NTRK1: variants seen among roughly 807,000 people sequenced by gnomAD.
NTRK1 encodes the protein high affinity nerve growth factor receptor.
A neutral mutation model predicts 86.8 loss-of-function variants in NTRK1; 62 were observed. The ratio of observed to expected loss-of-function variants is 0.71; its 90% CI spans 0.58 to 0.88. NTRK1 has a LOEUF of 0.88. Ranked by LOEUF, NTRK1 falls within the 40% of genes least tolerant of loss-of-function variation. The probability of loss-of-function intolerance (pLI) is 0.00; values close to 1 mark genes in which losing one functional copy is unlikely to be tolerated. For missense variants in NTRK1, 967 were observed against 1,078.4 expected (o/e 0.90, Z 1.45); for synonymous variants, 469 against 456.6 (o/e 1.03, Z -0.35).
intron 2 of NTRK1, chr1:156,851,422 G>A (rs370637761): frequency 6.2e-7 from 1 of 1,614,054 alleles, no homozygotes; most frequent in African/African-American, 1.3e-5. Flanking sequence ...CTGCAGCTGT[G>A]GCTCCAGGTT....
intron 13 of NTRK1, 79 bp downstream of exon 13, chr1:156,876,289 G>A (rs1042155451): frequency 6.7e-5 from 108 of 1,610,284 alleles, no homozygotes; most frequent in Non-Finnish European, 8.7e-5. Context: ...AGAGTGGGGG[G>A]AGATGCAGAG....
chr1:156,865,425 G>A (rs926356493), intron 3 of NTRK1, among the ~76,000 whole-genome samples: 29 of 152,152 alleles, frequency 1.9e-4, no homozygotes, highest in East Asian at 1.9e-4. Context: ...CCTCACGTGC[G>A]CAGTAGTTCA....
intron 1 of NTRK1, among the ~76,000 whole-genome samples, chr1:156,832,692 A>G (rs940294509): frequency 2.6e-5 from 4 of 152,162 alleles, no homozygotes; most frequent in African/African-American, 9.7e-5. Context: ...CCTGCCTGCG[A>G]GCTTTGTGCT....
At chr1:156,858,143 C>T (rs1044846106), upstream of NTRK1, among the ~76,000 whole-genome samples, 15 of 152,194 alleles carry the variant, frequency 9.9e-5, no homozygotes, top group Non-Finnish European at 2.1e-4. Context: ...GGCAACATTG[C>T]CTCCATTACT....
At chr1:156,847,896 T>A (rs1037827759) in intron 2 of NTRK1, among the ~76,000 whole-genome samples, 2 of 152,064 alleles carry the variant, frequency 1.3e-5, no homozygotes. Flanking sequence ...TGTGTATAGT[T>A]GTGCAGATTG....
intron 2 of NTRK1, among the ~76,000 whole-genome samples, chr1:156,855,469 T>C (rs1655376631): frequency 6.6e-6 from 1 of 152,088 alleles, no homozygotes. Flanking sequence ...CCTCCCAAAG[T>C]GCTGGGATTA....
chr1:156,866,970 A>G lies in NTRK1; in HGVS notation c.420A>G (p.Leu140=), dbSNP rs1655963869. 2 of 1,614,140 alleles carry G rather than the reference A, an allele frequency of 1.2e-6. No individual in the cohort carries two copies. Among genetic ancestry groups the G allele is most frequent in the Non-Finnish European group, 1.7e-6 (2 of 1,179,998 alleles). The change falls in exon 4 of 17, where the codon TTA becomes TTG. Residue 140 remains leucine (L), a synonymous_variant. Transcript: ENST00000524377. Reference sequence around the variant, plus strand: ...GGAAAACTGTGCAGGGCCTCTCCTTACAGGAACTGTGAGTGGGGGCGCTTC... The same window carrying G: ...GGAAAACTGTGCAGGGCCTCTCCTTGCAGGAACTGTGAGTGGGGGCGCTTC... ...LSWKTVQGLS[L]QELVLSGNPL...
At position 156,881,510 on chromosome 1, in the gene NTRK1, A is replaced by C. The variant is rs746732506; in HGVS notation, c.2259A>C (p.Pro753=). The C allele has an allele frequency of 6.3e-7, 1 of 1,597,548 alleles. No homozygotes were observed. Among genetic ancestry groups the C allele is most frequent in the East Asian group, 2.3e-5 (1 of 43,980 alleles). The change falls in exon 17 of 17, where the codon CCA becomes CCC. Residue 753 remains proline, a synonymous_variant. Coordinates refer to ENST00000524377, the MANE Select transcript of NTRK1 (RefSeq NM_002529.4). Reference sequence around the variant, plus strand: ...AGTTGGAGCGGCCACGTGCCTGCCCACCAGAGGTCTACGCCATCATGCGGG... The same window carrying C: ...AGTTGGAGCGGCCACGTGCCTGCCCCCCAGAGGTCTACGCCATCATGCGGG... The part of the protein sequence containing the change: ...GRELERPRAC[P]PEVYAIMRGC...
rs761638009 is a variant in NTRK1, at chr1:156,845,171, G to A, written c.50+2978G>A. On this transcript the variant is annotated intron_variant, in intron 2 of 16. Coordinates refer to the NTRK1 transcript ENST00000392302. The stretch of plus-strand genomic sequence containing the variant: ...GGCATGGATGTCGATCCGGTATTCC[G>A]TGAAGTGGCGCAGGCCGCTCAGCAC... 7.0e-5 allele frequency: 112 copies of A among 1,610,914 alleles called. 1 individual carries two copies. Among genetic ancestry groups the A allele is most frequent in the African/African-American group, 1.3e-5 (1 of 74,910 alleles).
intron 1 of NTRK1, among the ~76,000 whole-genome samples, chr1:156,821,802 G>A (rs975905450): frequency 6.6e-6 from 1 of 152,152 alleles, no homozygotes; most frequent in Non-Finnish European, 1.5e-5. Context: ...AAGGAGGAGC[G>A]ATTTATCTGC....
chr1:156,845,425 A>C lies in NTRK1; in HGVS notation c.50+3232A>C, dbSNP rs374165966. On this transcript the variant is annotated intron_variant, in intron 2 of 16. Transcript: ENST00000392302. ...CCTTCCAAGGGGATCTGGGGAGGCCAGGAGTAGCCCTATCAGGCCTGTCCG... is the reference window on the plus strand; with the variant it reads ...CCTTCCAAGGGGATCTGGGGAGGCCCGGAGTAGCCCTATCAGGCCTGTCCG... The C allele has an allele frequency of 2.6e-6, 4 of 1,542,362 alleles. No individual in the cohort carries two copies. In the African/African-American group the frequency reaches 5.5e-5, roughly 21 times the overall value.
At chr1:156,851,767 C>T in intron 2 of NTRK1, 1 of 1,611,310 alleles carries the variant, frequency 6.2e-7, no homozygotes, top group East Asian at 2.2e-5. Context: ...GGCACAGCCC[C>T]TCGCACTTGT....
chr1:156,842,721 C>T (rs898256807), intron 2 of NTRK1, among the ~76,000 whole-genome samples: 2 of 152,138 alleles, frequency 1.3e-5, no homozygotes, highest in Admixed American at 6.5e-5. Context: ...GAACTTGGTC[C>T]AACTTTGGCC....
chr1:156,872,599 AT>A (rs2102902325), intron 7 of NTRK1, among the ~76,000 whole-genome samples: 1 of 151,568 alleles, frequency 6.6e-6, no homozygotes, highest in African/African-American at 2.4e-5. Context: ...TATTATATAT[AT>A]ATATACATAT....
rs1423986687 is a variant in NTRK1, at chr1:156,853,860, CA to C, written c.51-10493del. ...CCCAGCACACCAGGGCACACGTCAG[CA>C]CACTCCTCGCCCAGCTTGTTGCCCA... On this transcript the variant is annotated intron_variant, in intron 2 of 16. Transcript: ENST00000392302. 3 of 1,614,064 alleles carry C rather than the reference CA, an allele frequency of 1.9e-6. No homozygotes were observed. In the South Asian group the frequency reaches 3.3e-5, roughly 18 times the overall value.
chr1:156,876,575 A>G lies in NTRK1; in HGVS notation c.1805+3A>G. ...GGGGACCTCAACCGCTTCCTCCGGT[A>G]CCAGCACCTGGCCTCAGCGCTGGCC... On this transcript the variant is annotated splice_donor_region_variant and intron_variant, in intron 14 of 16. Transcript: ENST00000524377. The G allele has an allele frequency of 6.2e-7, 1 of 1,610,874 alleles. No individual in the cohort carries two copies. Among genetic ancestry groups the G allele is most frequent in the Non-Finnish European group, 8.5e-7 (1 of 1,179,202 alleles).
At position 156,824,174 on chromosome 1, in the gene NTRK1, T is replaced by C. The variant is rs374184300; in HGVS notation, c.-64+8336T>C. ...CCAGGTGCCACTTCCCTGTAGTCAG[T>C]GTATATTCTTACCCTGGACTATCGC... On this transcript the variant is annotated intron_variant, in intron 1 of 16. Transcript: ENST00000392302. Among the ~76,000 whole-genome samples, 163 of 152,274 alleles carry C rather than the reference T, an allele frequency of 1.1e-3. 6 individuals carry two copies. In the South Asian group the frequency reaches 0.032, roughly 30 times the overall value.
At chr1:156,846,627 A>G in intron 2 of NTRK1, 14 of 1,614,024 alleles carry the variant, frequency 8.7e-6, no homozygotes, top group Non-Finnish European at 1.1e-5. Context: ...TACTGTGTCC[A>G]AGGCTTGAGG....
intron 1 of NTRK1, among the ~76,000 whole-genome samples, chr1:156,833,697 C>A (rs1654523722): frequency 1.3e-5 from 2 of 152,246 alleles, no homozygotes. Flanking sequence ...CCCTTCTATA[C>A]TCTGCTCTGT....
Sources: gnomAD v4.1 joint callset for allele counts (sites outside exome capture counted in the v4.1 genomes callset) on GRCh38, gnomAD v4.1.1 for gene constraint, MANE v1.5 for transcripts, NCBI Gene and HGNC (gene_info 2026-07-23, HGNC 2026-07-21) for gene names.